TMEM135: variants seen among roughly 807,000 people sequenced by gnomAD.
TMEM135 encodes transmembrane protein 135, also known as peroxisomal membrane protein 52.
TMEM135 carries 30 observed loss-of-function variants against 60.3 expected under a neutral mutation model. The observed-to-expected ratio is 0.50, with a 90% CI of 0.37 to 0.68. The LOEUF (loss-of-function observed/expected upper bound fraction) is 0.68, where lower values mean the gene tolerates loss of function less well. Ranked by LOEUF, TMEM135 falls within the 30% of genes least tolerant of loss-of-function variation. TMEM135 has a pLI of 0.00. For missense variants in TMEM135, 468 were observed against 548.8 expected (o/e 0.85, Z 1.47); for synonymous variants, 190 against 186.7 (o/e 1.02, Z -0.14).
intron 1 of TMEM135, among the ~76,000 whole-genome samples, chr11:87,060,793 C>G (rs1455205150): frequency 6.6e-6 from 1 of 152,080 alleles, no homozygotes; most frequent in Non-Finnish European, 1.5e-5. Flanking sequence ...CAGGTGCCCA[C>G]CACCACGCCT....
At chr11:87,096,547 T>C (rs1302380904) in intron 4 of TMEM135, 1 of 152,266 alleles carries the variant, frequency 6.6e-6, no homozygotes, top group Non-Finnish European at 1.5e-5. Flanking sequence ...TTATTCATAT[T>C]TGGAATAGTT....
intron 4 of TMEM135, among the ~76,000 whole-genome samples, chr11:87,147,958 A>G (rs973132487): frequency 2.6e-5 from 4 of 152,134 alleles, no homozygotes; most frequent in South Asian, 2.1e-4. Flanking sequence ...GAGTTTCACT[A>G]TGTTGGCCAG....
intron 1 of TMEM135, among the ~76,000 whole-genome samples, chr11:87,047,152 C>T (rs1409583600): frequency 6.6e-6 from 1 of 152,104 alleles, no homozygotes; most frequent in Non-Finnish European, 1.5e-5. Context: ...CGATTTTCCC[C>T]TTTGCTTTTC....
intron 6 of TMEM135, among the ~76,000 whole-genome samples, chr11:87,260,614 G>A (rs548675591): frequency 9.9e-4 from 151 of 152,074 alleles, no homozygotes; most frequent in Admixed American, 1.6e-3. Flanking sequence ...GTAAATGCGA[G>A]TTAGACTGAT....
chr11:87,112,787 A>G (rs1397117514), intron 4 of TMEM135, among the ~76,000 whole-genome samples: 2 of 151,846 alleles, frequency 1.3e-5, no homozygotes, highest in African/African-American at 2.4e-5. Flanking sequence ...GTTAAATTAT[A>G]TGGCTGAATG....
chr11:87,054,246 C>G (rs1400874123), intron 1 of TMEM135, among the ~76,000 whole-genome samples: 2 of 151,904 alleles, frequency 1.3e-5, no homozygotes, highest in African/African-American at 4.8e-5. Flanking sequence ...ACCAGCCTGG[C>G]CAACATGGTG....
At chr11:87,261,254 C>T (rs1018722426) in intron 6 of TMEM135, among the ~76,000 whole-genome samples, 1 of 152,122 alleles carries the variant, frequency 6.6e-6, no homozygotes, top group Admixed American at 6.5e-5. Flanking sequence ...CAGCGCCAAC[C>T]TCCTTTAATA....
intron 1 of TMEM135, among the ~76,000 whole-genome samples, chr11:87,043,307 G>T (rs1418264773): frequency 6.6e-6 from 1 of 151,910 alleles, no homozygotes; most frequent in Non-Finnish European, 1.5e-5. Flanking sequence ...GTGATATACG[G>T]TAACAATGTA....
chr11:87,059,085 C>T (rs112062924), intron 1 of TMEM135, among the ~76,000 whole-genome samples: 7,559 of 151,492 alleles, frequency 0.05, 257 homozygotes, highest in South Asian at 0.095. Context: ...TTACAGGCAC[C>T]CACCATCATG....
At chr11:87,103,650 A>C (rs1857519285) in intron 4 of TMEM135, among the ~76,000 whole-genome samples, 1 of 151,774 alleles carries the variant, frequency 6.6e-6, no homozygotes, top group South Asian at 2.1e-4. Context: ...TAATCTTTGG[A>C]ATCTGTGGGT....
chr11:87,052,860 C>T, intron 1 of TMEM135, among the ~76,000 whole-genome samples: 2 of 88,380 alleles, frequency 2.3e-5, no homozygotes, highest in Non-Finnish European at 4.4e-5. Context: ...AAGACACATG[C>T]ACACGTATGT....
intron 7 of TMEM135, among the ~76,000 whole-genome samples, chr11:87,299,808 G>T (rs527888789): frequency 6.6e-6 from 1 of 152,272 alleles, no homozygotes; most frequent in African/African-American, 2.4e-5. Context: ...CCAAGCTGTG[G>T]ATAGGAGTAA....
chr11:87,168,423 C>T (rs971611465), intron 5 of TMEM135, among the ~76,000 whole-genome samples: 15 of 152,054 alleles, frequency 9.9e-5, no homozygotes, highest in East Asian at 1.9e-4. Context: ...ATCTTTCCCA[C>T]GTGCTTCTGT....
intron 3 of TMEM135, among the ~76,000 whole-genome samples, chr11:87,074,433 G>A (rs201006911): frequency 6.6e-6 from 1 of 150,732 alleles, no homozygotes; most frequent in Non-Finnish European, 1.5e-5. Context: ...GAAAAACTGT[G>A]TATATTGGTT....
At chr11:87,276,441 C>G (rs1197998812) in intron 6 of TMEM135, among the ~76,000 whole-genome samples, 1 of 151,868 alleles carries the variant, frequency 6.6e-6, no homozygotes, top group Non-Finnish European at 1.5e-5. Context: ...CTGATCAGGT[C>G]TTCTTACTTT....
chr11:87,285,425 C>T (rs535471236), intron 6 of TMEM135, among the ~76,000 whole-genome samples: 18 of 152,184 alleles, frequency 1.2e-4, no homozygotes, highest in East Asian at 7.7e-4. Flanking sequence ...TTCTGATGTT[C>T]GGATGTGTTC....
intron 4 of TMEM135, among the ~76,000 whole-genome samples, chr11:87,105,310 G>C (rs1478822316): frequency 2.0e-5 from 3 of 152,202 alleles, no homozygotes; most frequent in Admixed American, 6.5e-5. Context: ...CCTCTTGTCA[G>C]ATCAGCAGCG....
intron 8 of TMEM135, among the ~76,000 whole-genome samples, chr11:87,305,179 G>T (rs1942517527): frequency 6.6e-6 from 1 of 151,952 alleles, no homozygotes; most frequent in African/African-American, 2.4e-5. Context: ...ACCTGAGCAT[G>T]TTCTCATTAT....
At chr11:87,154,678 G>A (rs1938643905) in intron 4 of TMEM135, among the ~76,000 whole-genome samples, 2 of 152,146 alleles carry the variant, frequency 1.3e-5, no homozygotes, top group Admixed American at 1.3e-4. Context: ...TCTAATGGAT[G>A]GGAAGTGGTA....
Sources: gnomAD v4.1 joint callset for allele counts (sites outside exome capture counted in the v4.1 genomes callset) on GRCh38, gnomAD v4.1.1 for gene constraint, MANE v1.5 for transcripts, NCBI Gene and HGNC (gene_info 2026-07-23, HGNC 2026-07-21) for gene names.